SYNM: variants seen among roughly 807,000 people sequenced by gnomAD.
SYNM encodes desmuslin.
Under a neutral mutation model 104.0 loss-of-function variants are expected in SYNM, and 95 were observed. The observed-to-expected ratio is 0.91, with a 90% confidence interval of 0.77 to 1.08. The LOEUF (loss-of-function observed/expected upper bound fraction) is 1.08, where lower values mean the gene tolerates loss of function less well. Ranked by LOEUF, SYNM falls within the 50% of genes least tolerant of loss-of-function variation. SYNM has a pLI of 0.00. For missense variants in SYNM, 2,150 were observed against 2,052.2 expected, an observed-to-expected ratio of 1.05 and a Z score of -0.92; for synonymous variants, 918 against 869.0, an observed-to-expected ratio of 1.06 and a Z score of -0.99.
In SYNM at chr15:99,105,716, C is replaced by T. The variant is rs782077919; in HGVS notation, c.517C>T (p.Pro173Ser). Residue 173 changes from proline to serine, a missense_variant, in exon 1 of 4, where the codon CCC (proline) becomes TCC (serine). Transcript: ENST00000336292. ...GCATTTCCGCGCCCGCGCCACCGGC[C>T]CCGCCGCGCCGCCGCCACGCCTGCG... ...TMHFRARATG[P>S]AAPPPRLREV... The T allele has an allele frequency of 4.0e-6, 6 of 1,497,902 alleles. No individual in the cohort carries two copies. The South Asian group carries it at 6.3e-5, about 16-fold the overall frequency. The allele number at this position is 1,497,902 out of a possible 1,614,324, so 92.8% of individuals were successfully genotyped here.
chr15:99,137,527 C>G (rs2067687746), downstream of SYNM: 1 of 152,722 alleles, frequency 6.5e-6, no homozygotes, highest in Non-Finnish European at 1.5e-5. Flanking sequence ...AAAACACATG[C>G]TGACAGCAGC....
In SYNM at chr15:99,131,332, G is replaced by A. The variant is rs782767766; in HGVS notation, c.2972G>A (p.Gly991Asp). Residue 991 changes from glycine (G) to aspartate (D), a missense_variant, in exon 4 of 4, where the codon GGT (glycine) becomes GAT (aspartate). Physicochemically the swap from Gly to Asp is moderately conservative, Grantham distance 94. Transcript: ENST00000336292. This position sits in a 1 kb window ranked among gnomAD's most constrained non-coding sequence, Gnocchi z 4.3. ...TCCGTGGATGTCAAGAAGGTCCAGG[G>A]TGCTGGTGGCAGTTCCGTGACCCTG... ...SVSVDVKKVQ[G>D]AGGSSVTLVA... The A allele has an allele frequency of 2.5e-6, 4 of 1,613,424 alleles. No homozygotes were observed. Among genetic ancestry groups the A allele is most frequent in the Non-Finnish European group, 2.5e-6 (3 of 1,179,760 alleles).
chr15:99,105,449 G>T lies in SYNM; in HGVS notation c.250G>T (p.Glu84Ter). Residue 84 changes from glutamate to a stop codon, truncating the protein, a stop_gained, in exon 1 of 4, where the codon GAG (glutamate) becomes TAG (stop). Transcript: ENST00000336292. LOFTEE classifies it high-confidence loss of function. ...LSWATALAEGERDALRRELRE... is the reference protein window; with the variant it reads ...LSWATALAEG The stretch of plus-strand genomic sequence containing the variant: ...CTGGGCCACTGCGCTGGCGGAGGGC[G>T]AGCGGGACGCTCTGCGGCGCGAGCT... 7.0e-7 allele frequency: 1 copy of T among 1,428,544 alleles called. No homozygotes were observed. Among genetic ancestry groups the T allele is most frequent in the Non-Finnish European group, 9.1e-7 (1 of 1,096,438 alleles). The allele number at this position is 1,428,544 out of a possible 1,614,324, so 88.5% of individuals were successfully genotyped here. A position where few individuals can be genotyped will look rare whatever the true frequency, so the allele number is the denominator to read the frequency against.
intron 3 of SYNM, 102 bp from the exon 4 acceptor site, chr15:99,129,265 A>G: frequency 6.8e-7 from 1 of 1,468,742 alleles, no homozygotes; most frequent in Non-Finnish European, 9.1e-7. Flanking sequence ...AACAGTGTAT[A>G]TTTATTATGA....
At chr15:99,112,047 C>A (rs1670254) in intron 1 of SYNM, among the ~76,000 whole-genome samples, 114,498 of 152,180 alleles carry the variant, frequency 0.75, 43,218 homozygotes, top group African/African-American at 0.81. Context: ...AGACTGTCTC[C>A]AAAAACAAAC....
At chr15:99,139,043 C>A (rs782166760), downstream of SYNM, 3 of 484,266 alleles carry the variant, frequency 6.2e-6, no homozygotes, top group Non-Finnish European at 1.1e-5. Context: ...GGCCCTCCCC[C>A]TGCAGCAGGT....
At chr15:99,125,864 A>C (rs1202190082) in intron 2 of SYNM, among the ~76,000 whole-genome samples, 7 of 152,214 alleles carry the variant, frequency 4.6e-5, no homozygotes, top group Non-Finnish European at 7.3e-5. Flanking sequence ...ACTGGCTGAC[A>C]GGCATCCCGG....
chr15:99,119,365 C>A (rs555759087), intron 2 of SYNM, among the ~76,000 whole-genome samples: 3 of 152,208 alleles, frequency 2.0e-5, no homozygotes, highest in African/African-American at 7.2e-5. Context: ...ACATACTGGA[C>A]CGAAGTTGGC....
intron 1 of SYNM, among the ~76,000 whole-genome samples, chr15:99,107,525 C>T (rs782311383): frequency 1.3e-5 from 2 of 152,208 alleles, no homozygotes; most frequent in Non-Finnish European, 2.9e-5. Context: ...CTTTGAGCCA[C>T]GCTGTGTGGA....
Position 99,133,156 on chromosome 15 carries a change from T to G in SYNM, c.*98T>G. The stretch of plus-strand genomic sequence containing the variant: ...AAGAGGCCGAGGGAGTCTATGAAAA[T>G]CTCCCCTTTTTTACTTTTTTAAAGA... On this transcript the variant is annotated 3_prime_UTR_variant, in exon 4 of 4. Coordinates refer to ENST00000336292, the MANE Select transcript of SYNM (RefSeq NM_145728.3). The G allele has an allele frequency of 6.6e-7, 1 of 1,522,738 alleles. No individual in the cohort carries two copies. The highest frequency in any genetic ancestry group is 8.7e-7 in the Non-Finnish European group (1 of 1,144,194). The allele number at this position is 1,522,738 out of a possible 1,614,324, so 94.3% of individuals were successfully genotyped here.
intron 2 of SYNM, among the ~76,000 whole-genome samples, chr15:99,119,202 C>A (rs747572685): frequency 1.2e-4 from 19 of 152,190 alleles, no homozygotes; most frequent in Non-Finnish European, 2.4e-4. Context: ...CAGGTGGAAC[C>A]GGCACAGTGG....
chr15:99,131,063 C>G lies in SYNM; in HGVS notation c.2703C>G (p.Asp901Glu). The change falls in exon 4 of 4, where the codon GAC (aspartate) becomes GAG (glutamate). Residue 901 changes from aspartate (D) to glutamate (E), a missense_variant. Coordinates refer to ENST00000336292, the MANE Select transcript of SYNM (RefSeq NM_145728.3). This position sits in a 1 kb window ranked among gnomAD's most constrained non-coding sequence, Gnocchi z 4.3. ...TCCCAGCGCCCTCTCTGGAGGGGGA[C>G]CTGGGTTCCACTCACTGGAAAGAAC... is the stretch of plus-strand genomic sequence containing the variant. ...LDVPAPSLEG[D>E]LGSTHWKEQA... 1 of 1,606,402 alleles carries G rather than the reference C, an allele frequency of 6.2e-7. No individual in the cohort carries two copies. Among genetic ancestry groups the G allele is most frequent in the Non-Finnish European group, 8.5e-7 (1 of 1,176,220 alleles).
At chr15:99,106,297 G>A (rs1172253534) in intron 1 of SYNM, among the ~76,000 whole-genome samples, 1 of 152,210 alleles carries the variant, frequency 6.6e-6, no homozygotes, top group Non-Finnish European at 1.5e-5. Context: ...GGCGCATCCT[G>A]ATAGGCCACC....
At chr15:99,111,912 G>T (rs917117681) in intron 1 of SYNM, among the ~76,000 whole-genome samples, 1 of 152,208 alleles carries the variant, frequency 6.6e-6, no homozygotes, top group Non-Finnish European at 1.5e-5. Context: ...GGGCGTGATG[G>T]CAGGCGCCTG....
Position 99,105,705 on chromosome 15 carries a change from G to C in SYNM, c.506G>C (p.Arg169Pro). ...AASLTMHFRARATGPAAPPPR... is the reference protein window; with the variant it reads ...AASLTMHFRAPATGPAAPPPR... Reference sequence around the variant, plus strand: ...AGCCTTACCATGCATTTCCGCGCCCGCGCCACCGGCCCCGCCGCGCCGCCG... The same window carrying C: ...AGCCTTACCATGCATTTCCGCGCCCCCGCCACCGGCCCCGCCGCGCCGCCG... The change falls in exon 1 of 4, where the codon CGC becomes CCC. Residue 169 changes from arginine to proline, a missense_variant. Physicochemically the swap from Arg to Pro is moderately radical, Grantham distance 103. Transcript: ENST00000336292. 1.3e-6 allele frequency: 2 copies of C among 1,488,118 alleles called. No homozygotes were observed. Among genetic ancestry groups the C allele is most frequent in the South Asian group, 2.5e-5 (2 of 78,558 alleles). The allele number at this position is 1,488,118 out of a possible 1,614,324, so 92.2% of individuals were successfully genotyped here. A position where few individuals can be genotyped will look rare whatever the true frequency, so the allele number is the denominator to read the frequency against.
chr15:99,105,823 G>A lies in SYNM; in HGVS notation c.624G>A (p.Glu208=), dbSNP rs1262628092. The change falls in exon 1 of 4, where the codon GAG becomes GAA. Residue 208 remains glutamate, a synonymous_variant. Coordinates refer to ENST00000336292, the MANE Select transcript of SYNM (RefSeq NM_145728.3). The part of the protein sequence containing the change: ...TVQLYEDEVR[E]LEEALRRGQE... ...AGCTGTACGAGGACGAGGTGCGCGA[G>A]CTGGAGGAGGCGCTGCGGCGCGGCC... 1.3e-6 allele frequency: 2 copies of A among 1,542,632 alleles called. No homozygotes were observed. The highest frequency in any genetic ancestry group is 2.5e-5 in the East Asian group (1 of 40,650).
At position 99,135,283 on chromosome 15, in the gene SYNM, CACACTGTG is replaced by C. The variant is rs1270539088; in HGVS notation, c.*2229_*2236del. Reference sequence around the variant, plus strand: ...ATCACGCGGGAGTGAGTGTGCCCTTCACACTGTGACATTGTGACATTGTGACAAGCTCC... The same window carrying C: ...ATCACGCGGGAGTGAGTGTGCCCTTCACATTGTGACATTGTGACAAGCTCC... On this transcript the variant is annotated 3_prime_UTR_variant, in exon 4 of 4. Transcript: ENST00000336292. The C allele has an allele frequency of 6.6e-6, 1 of 152,644 alleles. No individual in the cohort carries two copies. Among genetic ancestry groups the C allele is most frequent in the African/African-American group, 2.4e-5 (1 of 41,442 alleles). 9.5% of individuals were successfully genotyped at this position (152,644 alleles called of 1,614,324 possible).
chr15:99,130,680 G>A lies in SYNM; in HGVS notation c.2320G>A (p.Glu774Lys), dbSNP rs144937142. The A allele has an allele frequency of 3.0e-5, 49 of 1,613,848 alleles. No homozygotes were observed. In the East Asian group the frequency reaches 8.5e-4, roughly 28 times the overall value. Residue 774 changes from glutamate to lysine, a missense_variant, in exon 4 of 4, where the codon GAA (glutamate) becomes AAA (lysine). By Grantham distance (56) the Glu-to-Lys change is moderately conservative. Transcript: ENST00000336292. ...CGTCCCATTCAAAGTGGAGGAGGTC[G>A]AAGATGTGTCGCCAGGCCCCTGGGG... ...FSVPFKVEEVEDVSPGPWGLV... is the reference protein window; with the variant it reads ...FSVPFKVEEVKDVSPGPWGLV...
chr15:99,124,593 C>G (rs900167028), intron 2 of SYNM, among the ~76,000 whole-genome samples: 3 of 152,220 alleles, frequency 2.0e-5, no homozygotes, highest in African/African-American at 4.8e-5. Context: ...CCCGGAGGGT[C>G]TATCTGTAGG....
Sources: gnomAD v4.1 joint callset for allele counts (sites outside exome capture counted in the v4.1 genomes callset) on GRCh38, gnomAD v4.1.1 for gene constraint, Gnocchi (gnomAD v3.1) non-coding constraint, MANE v1.5 for transcripts, NCBI Gene and HGNC (gene_info 2026-07-23, HGNC 2026-07-21) for gene names.